Variants in SMAD2 observed in about 807,000 individuals in gnomAD.
SMAD2 encodes SMAD family member 2.
SMAD2 carries 8 observed loss-of-function variants against 64.4 expected under a neutral mutation model. That is an observed-to-expected ratio of 0.12 (90% CI 0.07 to 0.22). SMAD2 has a LOEUF of 0.22. Ranked by LOEUF, SMAD2 falls within the 10% of genes least tolerant of loss-of-function variation. The pLI is 1.00. For synonymous variants in SMAD2, 203 were observed against 195.8 expected (o/e 1.04, Z -0.31); for missense variants, 289 against 561.2 (o/e 0.51, Z 4.90).
At position 47,837,817 on chromosome 18, in the gene SMAD2, A is replaced by G. The variant is rs1376784361; in HGVS notation, c.*4010T>C. ...ATATCTAAAGAGATACTTGGTGGGC[A>G]GGGGCTTGGGAGGGAAGGCGCAAAT... On this transcript the variant is annotated 3_prime_UTR_variant, in exon 11 of 11. Transcript: ENST00000262160. 4.3e-6 allele frequency: 1 copy of G among 232,840 alleles called. No individual in the cohort carries two copies. Among genetic ancestry groups the G allele is most frequent in the Non-Finnish European group, 8.5e-6 (1 of 117,782 alleles). 14.4% of individuals were successfully genotyped at this position (232,840 alleles called of 1,614,324 possible).
At chr18:47,925,660 G>T (rs1337716525) in intron 1 of SMAD2, among the ~76,000 whole-genome samples, 2 of 152,048 alleles carry the variant, frequency 1.3e-5, no homozygotes, top group Non-Finnish European at 2.9e-5. Flanking sequence ...TCAATGACAA[G>T]CAATAAGCCT....
chr18:47,846,342 A>C (rs1914485887), intron 8 of SMAD2, among the ~76,000 whole-genome samples: 1 of 152,158 alleles, frequency 6.6e-6, no homozygotes, highest in Non-Finnish European at 1.5e-5. Flanking sequence ...AGAATCTGAG[A>C]GATCACAGAT....
chr18:47,884,387 C>G (rs1057318013), intron 2 of SMAD2, among the ~76,000 whole-genome samples: 3 of 152,146 alleles, frequency 2.0e-5, no homozygotes, highest in Non-Finnish European at 4.4e-5. Flanking sequence ...CAAAGTAACA[C>G]GTCTAAGGTC....
intron 1 of SMAD2, among the ~76,000 whole-genome samples, chr18:47,910,279 C>A (rs977669250): frequency 6.6e-6 from 1 of 151,820 alleles, no homozygotes; most frequent in South Asian, 2.1e-4. Flanking sequence ...CAGAAGACGA[C>A]GTAACAGAGA....
At chr18:47,929,902 C>T (rs2034929009) in intron 1 of SMAD2, among the ~76,000 whole-genome samples, 1 of 152,046 alleles carries the variant, frequency 6.6e-6, no homozygotes, top group Non-Finnish European at 1.5e-5. Flanking sequence ...AGGATGATCA[C>T]AGAGTTATCA....
intron 5 of SMAD2, among the ~76,000 whole-genome samples, chr18:47,866,192 T>C (rs946477470): frequency 1.5e-4 from 23 of 151,634 alleles, no homozygotes; most frequent in Non-Finnish European, 1.5e-5. Flanking sequence ...GGTGCATCCC[T>C]ATAATTCCAG....
intron 1 of SMAD2, among the ~76,000 whole-genome samples, chr18:47,906,457 C>T (rs142114883): frequency 3.9e-5 from 6 of 152,206 alleles, no homozygotes; most frequent in Non-Finnish European, 4.4e-5. Context: ...CACAGGAGCA[C>T]ATGAAGAGGT....
At chr18:47,930,205 C>G (rs1306267759) in intron 1 of SMAD2, 156 bp downstream of exon 1, 1 of 152,416 alleles carries the variant, frequency 6.6e-6, no homozygotes, top group Non-Finnish European at 1.5e-5. Flanking sequence ...CTCTCCGGCC[C>G]CGAACCCGCA....
chr18:47,853,875 CAT>C (rs1310830800), intron 6 of SMAD2, among the ~76,000 whole-genome samples: 1 of 152,068 alleles, frequency 6.6e-6, no homozygotes, highest in African/African-American at 2.4e-5. Context: ...CTGAAACCAA[CAT>C]AAAATAAACA....
intron 6 of SMAD2, among the ~76,000 whole-genome samples, chr18:47,860,700 A>G (rs2031108069): frequency 6.6e-6 from 1 of 152,124 alleles, no homozygotes; most frequent in African/African-American, 2.4e-5. Flanking sequence ...ATTACAAGGG[A>G]AAAAACCCTA....
intron 2 of SMAD2, among the ~76,000 whole-genome samples, chr18:47,879,007 A>C (rs1414505494): frequency 3.3e-5 from 5 of 152,170 alleles, no homozygotes; most frequent in Admixed American, 6.5e-5. Context: ...GTGCTGGTGC[A>C]CACCTATGCT....
At chr18:47,858,236 A>G (rs1204503379) in intron 6 of SMAD2, among the ~76,000 whole-genome samples, 1 of 152,214 alleles carries the variant, frequency 6.6e-6, no homozygotes, top group Non-Finnish European at 1.5e-5. Flanking sequence ...GACACAAATT[A>G]TCGAAGACTT....
At chr18:47,864,777 G>A (rs1235210178) in intron 6 of SMAD2, among the ~76,000 whole-genome samples, 2 of 152,070 alleles carry the variant, frequency 1.3e-5, no homozygotes, top group East Asian at 3.8e-4. Context: ...TTCAACAGAA[G>A]CAAATACTTA....
At chr18:47,867,097 A>G (rs2031618110) in intron 5 of SMAD2, 1 of 151,986 alleles carries the variant, frequency 6.6e-6, no homozygotes, top group African/African-American at 2.4e-5. Flanking sequence ...TTTTCTACCT[A>G]GCAATTGCCC....
intron 8 of SMAD2, 43 bp downstream of exon 8, chr18:47,848,432 G>T: frequency 1.4e-6 from 2 of 1,393,176 alleles, no homozygotes; most frequent in Non-Finnish European, 2.0e-6. Context: ...TACATTATGA[G>T]TATACAGCAT....
In SMAD2 at chr18:47,870,178, C is replaced by A. The variant is rs552670040; in HGVS notation, c.326+297G>T. Among the ~76,000 whole-genome samples, 3 of 151,988 alleles carry A rather than the reference C, an allele frequency of 2.0e-5. No homozygotes were observed. In the South Asian group the frequency reaches 6.2e-4, roughly 32 times the overall value. On this transcript the variant is annotated intron_variant, in intron 3 of 10. Coordinates refer to ENST00000262160, the MANE Select transcript of SMAD2 (RefSeq NM_005901.6). ...TGTATCTACTTAAAAATTAGGCCAA[C>A]AACAGATTATAATCTGATCTCAAGC...
At chr18:47,863,415 T>G (rs1939186825) in intron 6 of SMAD2, among the ~76,000 whole-genome samples, 1 of 152,228 alleles carries the variant, frequency 6.6e-6, no homozygotes, top group South Asian at 2.1e-4. Context: ...TTATTTTAGC[T>G]GGCTGATTCA....
rs1432457320 is a variant in SMAD2 at position 47,822,163 on chromosome 18, A to G, written c.*19664T>C. On this transcript the variant is annotated 3_prime_UTR_variant, in exon 11 of 11. Transcript: ENST00000262160. ...AAAATTGTACGATGCCGTTAGAAAT[A>G]TGTCATCAGTCATAATTCTGATTAT... 1 of 152,240 alleles carries G rather than the reference A, an allele frequency of 6.6e-6. No homozygotes were observed. Among genetic ancestry groups the G allele is most frequent in the African/African-American group, 2.4e-5 (1 of 41,458 alleles). 9.4% of individuals were successfully genotyped at this position (152,240 alleles called of 1,614,324 possible).
intron 2 of SMAD2, among the ~76,000 whole-genome samples, chr18:47,880,564 C>T (rs2032527754): frequency 6.6e-6 from 1 of 152,168 alleles, no homozygotes; most frequent in Non-Finnish European, 1.5e-5. Context: ...TAACTTATTA[C>T]TGAGTTTTCC....
Sources: gnomAD v4.1 joint callset for allele counts (sites outside exome capture counted in the v4.1 genomes callset) on GRCh38, gnomAD v4.1.1 for gene constraint, MANE v1.5 for transcripts, NCBI Gene and HGNC (gene_info 2026-07-23, HGNC 2026-07-21) for gene names.